RNF17: variants seen among roughly 807,000 people sequenced by gnomAD.
RNF17 encodes the protein spermatogenesis associated 23.
RNF17 carries 31 observed loss-of-function variants against 200.5 expected under a neutral mutation model. The observed-to-expected ratio is 0.15, with a 90% CI of 0.12 to 0.21. The LOEUF (loss-of-function observed/expected upper bound fraction) is 0.21. Among genes scored for constraint, RNF17 ranks in the 10% least tolerant of loss-of-function variants. The probability of loss-of-function intolerance (pLI) is 1.00; values close to 1 mark genes in which losing one functional copy is unlikely to be tolerated. For missense variants in RNF17, 1,628 were observed against 1,905.1 expected (o/e 0.85, Z 2.71); for synonymous variants, 606 against 637.8 (o/e 0.95, Z 0.75).
At chr13:24,802,339 T>C (rs1320862393) in intron 13 of RNF17, 42 bp from the exon 14 acceptor site, 1 of 1,497,298 alleles carries the variant, frequency 6.7e-7, no homozygotes. Flanking sequence ...ACATTAGCGA[T>C]ACTTACAATT....
At chr13:24,765,285 G>A (rs1326052257) in intron 1 of RNF17, among the ~76,000 whole-genome samples, 1 of 152,162 alleles carries the variant, frequency 6.6e-6, no homozygotes, top group Non-Finnish European at 1.5e-5. Context: ...AAAGTGCTGG[G>A]ATTACAGGCG....
chr13:24,875,397 T>C (rs1372074754), intron 33 of RNF17, among the ~76,000 whole-genome samples: 2 of 152,178 alleles, frequency 1.3e-5, no homozygotes, highest in Non-Finnish European at 2.9e-5. Flanking sequence ...ATAGCAGTAG[T>C]CCTTCCCCAT....
At chr13:24,764,535 T>A (rs1376378344) in intron 1 of RNF17, 2 of 331,222 alleles carry the variant, frequency 6.0e-6, no homozygotes, top group African/African-American at 4.5e-5. Flanking sequence ...CCTGCGCCTG[T>A]CACGGCTTTC....
the RNF17 span, chr13:24,885,364 A>C: frequency 6.2e-7 from 1 of 1,613,876 alleles, no homozygotes; most frequent in Non-Finnish European, 8.5e-7. Context: ...CAGTGGTTCA[A>C]GTGGCTCCCT....
chr13:24,844,416 G>T (rs374544041), intron 20 of RNF17, among the ~76,000 whole-genome samples: 3 of 152,070 alleles, frequency 2.0e-5, no homozygotes, highest in African/African-American at 7.2e-5. Context: ...TTTGAAACAG[G>T]CCCCAAAGAA....
intron 2 of RNF17, among the ~76,000 whole-genome samples, chr13:24,768,308 G>C (rs1383486578): frequency 1.6e-5 from 2 of 121,572 alleles, no homozygotes; most frequent in Non-Finnish European, 3.3e-5. Context: ...TTTTTGAGAC[G>C]GAGTCTCACT....
chr13:24,850,476 C>A, intron 23 of RNF17, 33 bp downstream of exon 23: 2 of 1,266,540 alleles, frequency 1.6e-6, no homozygotes, highest in Non-Finnish European at 2.3e-6. Context: ...TGCTGATGAT[C>A]TCATTAATGT....
downstream of RNF17, among the ~76,000 whole-genome samples, chr13:24,880,952 G>T (rs1216591607): frequency 6.6e-6 from 1 of 152,082 alleles, no homozygotes; most frequent in Non-Finnish European, 1.5e-5. Flanking sequence ...TTATTAGCTA[G>T]TGACCATTCC....
intron 16 of RNF17, among the ~76,000 whole-genome samples, chr13:24,827,724 A>AAAAAAC: frequency 1.3e-5 from 2 of 148,900 alleles, no homozygotes; most frequent in South Asian, 2.2e-4. Context: ...AAAACAAAAA[A>AAAAAAC]AAAAAAACAA....
At chr13:24,886,370 G>A in the RNF17 span, 1 of 1,289,208 alleles carries the variant, frequency 7.8e-7, no homozygotes, top group East Asian at 5.5e-5. Context: ...GGGCGTGTGA[G>A]GCGGCTGTGC....
the RNF17 span, among the ~76,000 whole-genome samples, chr13:24,887,101 G>A: frequency 6.6e-6 from 1 of 152,256 alleles, no homozygotes; most frequent in Admixed American, 6.5e-5. Flanking sequence ...CTAGGGGAGG[G>A]ATGTTTATGA....
chr13:24,873,310 A>G (rs1049136680), intron 32 of RNF17, among the ~76,000 whole-genome samples: 2 of 152,214 alleles, frequency 1.3e-5, no homozygotes, highest in Admixed American at 6.5e-5. Context: ...GAATTAGTGA[A>G]CAAAGGCTTA....
chr13:24,761,486 C>T (rs1303112291), upstream of RNF17, among the ~76,000 whole-genome samples: 1 of 152,154 alleles, frequency 6.6e-6, no homozygotes, highest in Non-Finnish European at 1.5e-5. Context: ...TTTGGTGAAA[C>T]TTTCTAAAAG....
intron 10 of RNF17, 143 bp downstream of exon 10, chr13:24,793,489 C>T (rs1457196517): frequency 1.4e-6 from 1 of 740,388 alleles, no homozygotes; most frequent in Non-Finnish European, 2.1e-6. Flanking sequence ...CCTGTTCATT[C>T]CATGCCCCTA....
intron 22 of RNF17, among the ~76,000 whole-genome samples, chr13:24,846,742 T>C (rs1023209417): frequency 1.3e-5 from 2 of 152,232 alleles, no homozygotes; most frequent in Non-Finnish European, 2.9e-5. Context: ...TAAGAAAGTT[T>C]ATGAATTTGT....
rs1890148928 is a variant in RNF17, at chr13:24,837,538, A to G, written c.2483-4503A>G. On this transcript the variant is annotated intron_variant, in intron 18 of 35. Transcript: ENST00000255324. Reference sequence around the variant, plus strand: ...TGAAATAAAACTGGAAATCAACTTCAAAAGGAACCTTCAAAACCATGCAAA... The same window carrying G: ...TGAAATAAAACTGGAAATCAACTTCGAAAGGAACCTTCAAAACCATGCAAA... Among the ~76,000 whole-genome samples the G allele has an allele frequency of 2.6e-5, 4 of 152,344 alleles. No individual in the cohort carries two copies. In the South Asian group the frequency reaches 8.3e-4, roughly 32 times the overall value.
chr13:24,765,385 A>G (rs563157032), intron 1 of RNF17, among the ~76,000 whole-genome samples: 9 of 152,234 alleles, frequency 5.9e-5, no homozygotes, highest in Admixed American at 3.9e-4. Context: ...GTTGAATCTC[A>G]ATTCCTGGAG....
chr13:24,858,968 T>G (rs1287870796), intron 25 of RNF17, 33 bp from the exon 26 acceptor site: 2 of 1,388,580 alleles, frequency 1.4e-6, no homozygotes, highest in East Asian at 4.8e-5. Context: ...GGAATTTTCC[T>G]TAATGCTTTC....
chr13:24,762,517 G>C (rs912277710), upstream of RNF17, among the ~76,000 whole-genome samples: 1 of 152,090 alleles, frequency 6.6e-6, no homozygotes, highest in African/African-American at 2.4e-5. Flanking sequence ...TTAGTACTCA[G>C]TTCCATCATG....
Sources: allele counts gnomAD v4.1 joint callset (sites outside exome capture counted in the v4.1 genomes callset), GRCh38; gene constraint gnomAD v4.1.1; transcripts MANE v1.5; gene names NCBI Gene and HGNC (gene_info 2026-07-23, HGNC 2026-07-21).